The following VPS37D variants were observed in gnomAD, a reference collection of about 807,000 sequenced individuals.
The protein encoded by VPS37D is vacuolar protein sorting-associated protein 37D.
In VPS37D, 5 loss-of-function variants were observed where a neutral mutation model predicts 22.0. That is an observed-to-expected ratio of 0.23 (90% CI 0.12 to 0.48). The LOEUF (loss-of-function observed/expected upper bound fraction) is 0.48. VPS37D is among the 20% of genes least tolerant of loss of function. The pLI is 0.99. For synonymous variants in VPS37D, 174 were observed against 159.3 expected (o/e 1.09, Z -0.69); for missense variants, 384 against 345.8 (o/e 1.11, Z -0.88).
chr7:73,670,475 T>C (rs1364271797), intron 3 of VPS37D, among the ~76,000 whole-genome samples: 3 of 152,212 alleles, frequency 2.0e-5, no homozygotes, highest in Non-Finnish European at 4.4e-5. Context: ...TGCTCCTGCC[T>C]CATCTCTGAT....
chr7:73,666,418 C>CT (rs1188521586), upstream of VPS37D, among the ~76,000 whole-genome samples: 1 of 149,976 alleles, frequency 6.7e-6, no homozygotes, highest in Non-Finnish European at 1.5e-5. Context: ...GACATCATCT[C>CT]TTTTTTTTCT....
Position 73,671,474 on chromosome 7 carries a change from C to G in VPS37D, c.*98C>G. ...CCTGGGTGGGGGGAGGGGCAGGCCC[C>G]TCCCCCTGGCCTCAGGCAGGCCCTG... is the stretch of plus-strand genomic sequence containing the variant. On this transcript the variant is annotated 3_prime_UTR_variant, in exon 4 of 4. Transcript: ENST00000324941. The G allele has an allele frequency of 3.9e-6, 2 of 508,352 alleles. No individual in the cohort carries two copies. Among genetic ancestry groups the G allele is most frequent in the Non-Finnish European group, 6.5e-6 (2 of 309,942 alleles). The allele number at this position is 508,352 out of a possible 1,614,324, so 31.5% of individuals were successfully genotyped here.
intron 3 of VPS37D, 24 bp from the exon 4 acceptor site, chr7:73,670,990 G>A (rs782662889): frequency 1.2e-6 from 2 of 1,608,020 alleles, no homozygotes; most frequent in Non-Finnish European, 1.7e-6. Flanking sequence ...CCTCTCCCAA[G>A]CCTTCCCTTC....
chr7:73,669,452 C>T lies in VPS37D; in HGVS notation c.172C>T (p.Leu58=), dbSNP rs782051312. The change falls in exon 2 of 4, where the codon CTG becomes TTG. Residue 58 remains leucine (L), a synonymous_variant. Transcript: ENST00000324941. ...QGLQLEREAC[L]ASNYALAKEN... is the part of the protein sequence containing the mutation. ...CCTGCAGCTGGAGCGTGAGGCCTGC[C>T]TGGCCTCCAACTACGCGCTGGCCAA... is the stretch of plus-strand genomic sequence containing the variant. 1.7e-5 allele frequency: 27 copies of T among 1,575,762 alleles called. No homozygotes were observed. Among genetic ancestry groups the T allele is most frequent in the Non-Finnish European group, 6.0e-6 (7 of 1,161,520 alleles).
intron 1 of VPS37D, among the ~76,000 whole-genome samples, chr7:73,669,076 C>T (rs1797446543): frequency 6.6e-6 from 1 of 152,068 alleles, no homozygotes; most frequent in South Asian, 2.1e-4. Flanking sequence ...TCCTCCGGGA[C>T]CTGAGCAGAC....
chr7:73,670,506 A>T (rs1797484074), intron 3 of VPS37D, among the ~76,000 whole-genome samples: 1 of 152,136 alleles, frequency 6.6e-6, no homozygotes, highest in African/African-American at 2.4e-5. Context: ...TGGTGATGGC[A>T]TCCTTATTTT....
rs1332803994 is a variant in VPS37D, at chr7:73,671,186, C to G, written c.566C>G (p.Pro189Arg). The change falls in exon 4 of 4, where the codon CCC (proline) becomes CGC (arginine). Residue 189 changes from proline to arginine, a missense_variant. Pro to Arg is a moderately radical substitution (Grantham distance 103). Coordinates refer to ENST00000324941, the MANE Select transcript of VPS37D (RefSeq NM_001077621.2). ...CCGGCCCCCACCTCGGCTGCTGATCCCCCCAAATCCTTCCCGGCTGCAGCT... is the reference window on the plus strand; with the variant it reads ...CCGGCCCCCACCTCGGCTGCTGATCGCCCCAAATCCTTCCCGGCTGCAGCT... ...AQPAPTSAAD[P>R]PKSFPAAAVL... 1 of 1,599,908 alleles carries G rather than the reference C, an allele frequency of 6.3e-7. No individual in the cohort carries two copies. Among genetic ancestry groups the G allele is most frequent in the Non-Finnish European group, 8.5e-7 (1 of 1,175,096 alleles).
chr7:73,669,394 C>T (rs1554609226), intron 1 of VPS37D, 25 bp from the exon 2 acceptor site: 1 of 1,529,218 alleles, frequency 6.5e-7, no homozygotes, highest in Non-Finnish European at 8.8e-7. Context: ...CCTGAGCGGG[C>T]CTCTTAGCTC....
At chr7:73,669,873 C>G in intron 2 of VPS37D, 147 bp from the exon 3 acceptor site, 1 of 1,400,594 alleles carries the variant, frequency 7.1e-7, no homozygotes, top group Non-Finnish European at 9.5e-7. Context: ...GCCGGATCCA[C>G]AAAGCGGTCA....
upstream of VPS37D, among the ~76,000 whole-genome samples, chr7:73,665,486 A>G (rs1797355623): frequency 6.6e-6 from 1 of 152,070 alleles, no homozygotes; most frequent in Non-Finnish European, 1.5e-5. Context: ...GGAGGTGGTG[A>G]TATTCCAGAT....
rs528635290 is a variant in VPS37D, at chr7:73,668,397, C to T, written c.138+301C>T. ...TCCGGGGGGCTGTGTTGTGGGGGGCCCTGGCTCGCACACCCACGTTCTGTA... is the reference window on the plus strand; with the variant it reads ...TCCGGGGGGCTGTGTTGTGGGGGGCTCTGGCTCGCACACCCACGTTCTGTA... On this transcript the variant is annotated intron_variant, in intron 1 of 3. Transcript: ENST00000324941. Among the ~76,000 whole-genome samples, 386 of 151,834 alleles carry T rather than the reference C, an allele frequency of 2.5e-3. 2 individuals carry two copies. The highest frequency in any genetic ancestry group is 2.0e-3 in the Non-Finnish European group (139 of 67,862).
rs1465286518 is a variant in VPS37D at position 73,667,992 on chromosome 7, G to A, written c.34G>A (p.Glu12Lys). The A allele has an allele frequency of 1.0e-5, 11 of 1,102,340 alleles. No homozygotes were observed. In the Admixed American group the frequency reaches 5.2e-4, roughly 53 times the overall value. The allele number at this position is 1,102,340 out of a possible 1,614,324, so 68.3% of individuals were successfully genotyped here. Residue 12 changes from glutamate to lysine, a missense_variant, in exon 1 of 4, where the codon GAG (glutamate) becomes AAG (lysine). By Grantham distance (56) the Glu-to-Lys change is moderately conservative. Coordinates refer to ENST00000324941, the MANE Select transcript of VPS37D (RefSeq NM_001077621.2). The part of the protein sequence containing the change: ...YRARAARAGP[E>K]PGSPGRFGIL... ...GGCCCGGGCGGCGCGGGCGGGGCCGGAGCCCGGCAGCCCGGGGCGCTTTGG... is the reference window on the plus strand; with the variant it reads ...GGCCCGGGCGGCGCGGGCGGGGCCGAAGCCCGGCAGCCCGGGGCGCTTTGG...
chr7:73,668,057 T>C lies in VPS37D; in HGVS notation c.99T>C (p.Asp33=). The change falls in exon 1 of 4, where the codon GAT becomes GAC. Residue 33 remains aspartate, a synonymous_variant. Coordinates refer to ENST00000324941, the MANE Select transcript of VPS37D (RefSeq NM_001077621.2). The part of the protein sequence containing the change: ...STGQLRDLLQ[D]EPKLDRIVRL... The stretch of plus-strand genomic sequence containing the variant: ...GGCAGCTCCGGGACCTGCTTCAGGA[T>C]GAGCCCAAGCTGGACCGGATCGTGC... 1 of 1,160,894 alleles carries C rather than the reference T, an allele frequency of 8.6e-7. No individual in the cohort carries two copies. Among genetic ancestry groups the C allele is most frequent in the Non-Finnish European group, 1.1e-6 (1 of 931,736 alleles). 71.9% of individuals were successfully genotyped at this position (1,160,894 alleles called of 1,614,324 possible). A position where few individuals can be genotyped will look rare whatever the true frequency, so the allele number is the denominator to read the frequency against.
rs527497217 is a variant in VPS37D, at chr7:73,669,377, C to G, written c.139-42C>G. The G allele has an allele frequency of 1.7e-3, 2,624 of 1,512,594 alleles. 5 individuals are homozygous for G. The highest frequency in any genetic ancestry group is 2.1e-3 in the Non-Finnish European group (2,400 of 1,125,156). The allele number at this position is 1,512,594 out of a possible 1,614,324, so 93.7% of individuals were successfully genotyped here. ...GGACGGGGCAGTAGGGTGGACAGGG[C>G]AGATCCCCTGAGCGGGCCTCTTAGC... On this transcript the variant is annotated intron_variant, in intron 1 of 3. Transcript: ENST00000324941.
At chr7:73,666,949 C>G (rs1006768150), upstream of VPS37D, among the ~76,000 whole-genome samples, 1 of 148,854 alleles carries the variant, frequency 6.7e-6, no homozygotes, top group East Asian at 2.0e-4. Flanking sequence ...CATTTAAATA[C>G]TTTTAAAAAT....
Position 73,671,366 on chromosome 7 carries a change from C to G in VPS37D, c.746C>G (p.Pro249Arg). 1.5e-6 allele frequency: 2 copies of G among 1,376,270 alleles called. No individual in the cohort carries two copies. The highest frequency in any genetic ancestry group is 1.9e-6 in the Non-Finnish European group (2 of 1,067,810). 85.3% of individuals were successfully genotyped at this position (1,376,270 alleles called of 1,614,324 possible). ...CCTCGGCCCTCGCAGCCAGAGCCCC[C>G]CCACCGGTAGGATCCACGGTGCGGC... ...LSPRPSQPEP[P>R]HR Residue 249 changes from proline (P) to arginine (R), a missense_variant, in exon 4 of 4, where the codon CCC (proline) becomes CGC (arginine). By Grantham distance (103) the Pro-to-Arg change is moderately radical. Transcript: ENST00000324941.
In VPS37D at chr7:73,667,848, C is replaced by CGGAGCCGGAGCGGATCCT. The variant is rs1338636104; in HGVS notation, c.-96_-79dup. On this transcript the variant is annotated 5_prime_UTR_variant, in exon 1 of 4. Coordinates refer to ENST00000324941, the MANE Select transcript of VPS37D (RefSeq NM_001077621.2). The stretch of plus-strand genomic sequence containing the variant: ...CTGGCGGCGGAGCGGTGCGTGCGGC[C>CGGAGCCGGAGCGGATCCT]GGAGCCGGAGCGGATCCTGGAGCCG... 6.7e-4 allele frequency: 183 copies of CGGAGCCGGAGCGGATCCT among 274,592 alleles called. 1 individual carries two copies. Among genetic ancestry groups the CGGAGCCGGAGCGGATCCT allele is most frequent in the Admixed American group, 2.9e-3 (46 of 15,680 alleles). 17.0% of individuals were successfully genotyped at this position (274,592 alleles called of 1,614,324 possible).
At position 73,671,404 on chromosome 7, in the gene VPS37D, G is replaced by T. The variant is rs549435401; in HGVS notation, c.*28G>T. 2 of 1,332,976 alleles carry T rather than the reference G, an allele frequency of 1.5e-6. No individual in the cohort carries two copies. Among genetic ancestry groups the T allele is most frequent in the South Asian group, 3.6e-5 (2 of 55,374 alleles). The allele number at this position is 1,332,976 out of a possible 1,614,324, so 82.6% of individuals were successfully genotyped here. A position where few individuals can be genotyped will look rare whatever the true frequency, so the allele number is the denominator to read the frequency against. On this transcript the variant is annotated 3_prime_UTR_variant, in exon 4 of 4. Transcript: ENST00000324941. ...TCCACGGTGCGGCCCCCCAGTTGGG[G>T]GGCCTAGACAAACTTGATGCGTGGC... is the stretch of plus-strand genomic sequence containing the variant.
chr7:73,670,139 G>A, intron 3 of VPS37D, 37 bp downstream of exon 3: 5 of 1,549,532 alleles, frequency 3.2e-6, no homozygotes, highest in Non-Finnish European at 4.4e-6. Context: ...GGGCCAGGAG[G>A]GAGACCCATT....
Sources: allele counts gnomAD v4.1 joint callset (sites outside exome capture counted in the v4.1 genomes callset), GRCh38; gene constraint gnomAD v4.1.1; transcripts MANE v1.5; gene names NCBI Gene and HGNC (gene_info 2026-07-23, HGNC 2026-07-21).